The following DRD2 variants were observed in gnomAD, a reference collection of about 807,000 sequenced individuals.
DRD2 encodes D(2) dopamine receptor.
DRD2 carries 8 observed loss-of-function variants against 38.0 expected under a neutral mutation model. The observed-to-expected ratio is 0.21, with a 90% CI of 0.12 to 0.38. The LOEUF is 0.38. Among genes scored for constraint, DRD2 ranks in the 10% least tolerant of loss-of-function variants. The pLI is 1.00. For missense variants in DRD2, 403 were observed against 607.7 expected (o/e 0.66, Z 3.54); for synonymous variants, 230 against 238.6 (o/e 0.96, Z 0.33).
chr11:113,469,318 T>G (rs560871743), intron 1 of DRD2, among the ~76,000 whole-genome samples: 1 of 152,296 alleles, frequency 6.6e-6, no homozygotes, highest in African/African-American at 2.4e-5. Flanking sequence ...AAGGAGTTAT[T>G]TTATTCATCC....
At chr11:113,451,635 C>T (rs1221450389) in intron 1 of DRD2, among the ~76,000 whole-genome samples, 2 of 152,118 alleles carry the variant, frequency 1.3e-5, no homozygotes, top group East Asian at 1.9e-4. Flanking sequence ...GGATTACAGG[C>T]ACCTGCTACC....
chr11:113,461,653 AATT>A (rs1951320095), intron 1 of DRD2, among the ~76,000 whole-genome samples: 1 of 152,156 alleles, frequency 6.6e-6, no homozygotes, highest in East Asian at 1.9e-4. Context: ...GATCCTGGGT[AATT>A]CACTTGGCCT....
At chr11:113,416,448 G>GA (rs1950827816) in intron 4 of DRD2, among the ~76,000 whole-genome samples, 1 of 152,244 alleles carries the variant, frequency 6.6e-6, no homozygotes, top group Admixed American at 6.5e-5. Context: ...AGCAGGCCCT[G>GA]AGGGCTGCAG....
chr11:113,429,892 T>C (rs1346069765), intron 1 of DRD2, among the ~76,000 whole-genome samples: 2 of 152,236 alleles, frequency 1.3e-5, no homozygotes, highest in Admixed American at 6.5e-5. Flanking sequence ...TTGTGAGTAT[T>C]AAGTAAGATG....
At chr11:113,435,111 G>C (rs953737762) in intron 1 of DRD2, among the ~76,000 whole-genome samples, 2 of 152,178 alleles carry the variant, frequency 1.3e-5, no homozygotes, top group Non-Finnish European at 2.9e-5. Context: ...TGAGAGGCCT[G>C]AGCAGCAGCA....
intron 1 of DRD2, among the ~76,000 whole-genome samples, chr11:113,440,924 G>A (rs1565670994): frequency 6.6e-6 from 1 of 152,190 alleles, no homozygotes; most frequent in Non-Finnish European, 1.5e-5. Flanking sequence ...ACAACATAAT[G>A]TTGCTAATCA....
At chr11:113,426,389 A>G (rs879940455) in intron 1 of DRD2, among the ~76,000 whole-genome samples, 36 of 152,176 alleles carry the variant, frequency 2.4e-4, no homozygotes, top group Non-Finnish European at 5.0e-4. Context: ...TGCATGGATA[A>G]TATAGTTGGC....
chr11:113,416,576 C>T (rs1950829465), intron 4 of DRD2, among the ~76,000 whole-genome samples: 2 of 152,370 alleles, frequency 1.3e-5, no homozygotes, highest in South Asian at 4.1e-4. Flanking sequence ...GCCTCTTCAA[C>T]TTAATAACCA....
rs200715742 is a variant in DRD2, at chr11:113,424,655, G to A, written c.-4C>T. The A allele has an allele frequency of 6.2e-6, 10 of 1,614,016 alleles. No homozygotes were observed. In the South Asian group the frequency reaches 7.7e-5, roughly 12 times the overall value. On this transcript the variant is annotated 5_prime_UTR_variant, in exon 2 of 8. Coordinates refer to ENST00000362072, the MANE Select transcript of DRD2 (RefSeq NM_000795.4). ...AGGACAGATTCAGTGGATCCATCAG[G>A]GCGGTGGAGCCACTGGGTGGCCAGG...
intron 1 of DRD2, among the ~76,000 whole-genome samples, chr11:113,471,941 A>T (rs892496028): frequency 6.6e-6 from 1 of 152,196 alleles, no homozygotes; most frequent in Admixed American, 6.5e-5. Flanking sequence ...CTGATATATA[A>T]CTTGATTCTG....
intron 1 of DRD2, among the ~76,000 whole-genome samples, chr11:113,429,760 T>C (rs1313305454): frequency 2.6e-5 from 4 of 152,182 alleles, no homozygotes; most frequent in Non-Finnish European, 5.9e-5. Flanking sequence ...ACATTCGAGT[T>C]GAGGACTAAA....
At chr11:113,429,534 C>T (rs1413943175) in intron 1 of DRD2, among the ~76,000 whole-genome samples, 6 of 152,074 alleles carry the variant, frequency 3.9e-5, no homozygotes, top group African/African-American at 9.7e-5. Context: ...CGTGAGCCAC[C>T]GCACCCGGCC....
chr11:113,410,790 G>A lies in DRD2; in HGVS notation c.1269C>T (p.Pro423=). Reference sequence around the variant, plus strand: ...CAATGTTGAAGGTGGTGTAGATGATGGGGTTCACGGCGCTGTTGACATAGC... The same window carrying A: ...CAATGTTGAAGGTGGTGTAGATGATAGGGTTCACGGCGCTGTTGACATAGC... The part of the protein sequence containing the change: ...WLGYVNSAVN[P]IIYTTFNIEF... Residue 423 remains proline (P), a synonymous_variant, in exon 8 of 8, where the codon CCC becomes CCT. Coordinates refer to ENST00000362072, the MANE Select transcript of DRD2 (RefSeq NM_000795.4). 1.9e-6 allele frequency: 3 copies of A among 1,614,142 alleles called. No individual in the cohort carries two copies. Among genetic ancestry groups the A allele is most frequent in the Non-Finnish European group, 2.5e-6 (3 of 1,180,014 alleles).
At chr11:113,471,127 C>A (rs886688104) in intron 1 of DRD2, among the ~76,000 whole-genome samples, 1 of 152,204 alleles carries the variant, frequency 6.6e-6, no homozygotes, top group African/African-American at 2.4e-5. Flanking sequence ...ACTCCTCCAT[C>A]CCCATGTGCT....
At chr11:113,418,952 G>A (rs1284602269) in intron 2 of DRD2, among the ~76,000 whole-genome samples, 3 of 152,170 alleles carry the variant, frequency 2.0e-5, no homozygotes, top group Admixed American at 6.5e-5. Flanking sequence ...TGTGTATCAC[G>A]TTAAACTCTT....
At chr11:113,424,785 C>T in intron 1 of DRD2, 103 bp from the exon 2 acceptor site, 1 of 1,206,898 alleles carries the variant, frequency 8.3e-7, no homozygotes, top group Non-Finnish European at 1.2e-6. Flanking sequence ...AATTTTCCAA[C>T]TCGGGATTTT....
chr11:113,421,634 G>A (rs1249462567), intron 2 of DRD2, among the ~76,000 whole-genome samples: 1 of 152,074 alleles, frequency 6.6e-6, no homozygotes, highest in South Asian at 2.1e-4. Context: ...GATAAATAAC[G>A]CACACTTAGT....
At chr11:113,467,325 C>T (rs954322770) in intron 1 of DRD2, among the ~76,000 whole-genome samples, 2 of 152,166 alleles carry the variant, frequency 1.3e-5, no homozygotes, top group Non-Finnish European at 2.9e-5. Flanking sequence ...AGAAGGGATT[C>T]ATAGACCAAG....
chr11:113,469,985 G>GT (rs1951407217), intron 1 of DRD2, among the ~76,000 whole-genome samples: 1 of 152,222 alleles, frequency 6.6e-6, no homozygotes, highest in South Asian at 2.1e-4. Flanking sequence ...CCTGCACACA[G>GT]TAAGTGCACA....
Sources: allele counts gnomAD v4.1 joint callset (sites outside exome capture counted in the v4.1 genomes callset), GRCh38; gene constraint gnomAD v4.1.1; transcripts MANE v1.5; gene names NCBI Gene and HGNC (gene_info 2026-07-23, HGNC 2026-07-21).